RGS22: variants seen among roughly 807,000 people sequenced by gnomAD.
The protein encoded by RGS22 is regulator of G-protein signaling 22.
RGS22 carries 148 observed loss-of-function variants against 172.9 expected under a neutral mutation model. That is an observed-to-expected ratio of 0.86 (90% confidence interval 0.75 to 0.98). The LOEUF (loss-of-function observed/expected upper bound fraction) is 0.98, where lower values mean the gene tolerates loss of function less well. Among genes scored for constraint, RGS22 ranks in the 50% least tolerant of loss-of-function variants. The pLI is 0.00. For missense variants in RGS22, 1,347 were observed against 1,440.8 expected (o/e 0.93, Z 1.05); for synonymous variants, 458 against 480.2 (o/e 0.95, Z 0.60).
intron 21 of RGS22, among the ~76,000 whole-genome samples, chr8:99,986,347 T>C (rs1408405206): frequency 6.6e-6 from 1 of 152,210 alleles, no homozygotes; most frequent in Non-Finnish European, 1.5e-5. Context: ...GAAATAAATT[T>C]TATTGAGCAA....
At chr8:99,985,378 A>G (rs922433910) in intron 21 of RGS22, among the ~76,000 whole-genome samples, 2 of 152,204 alleles carry the variant, frequency 1.3e-5, no homozygotes, top group Admixed American at 6.5e-5. Flanking sequence ...AGTGGAATAA[A>G]TGCCTTCCAA....
rs547086386 is a variant in RGS22 at position 100,031,671 on chromosome 8, G to T, written c.2166+7260C>A. Among the ~76,000 whole-genome samples the T allele has an allele frequency of 5.6e-3, 856 of 152,008 alleles. 5 individuals carry two copies. The highest frequency in any genetic ancestry group is 8.4e-3 in the Non-Finnish European group (573 of 67,966). ...ATTATGTATGCTATGGAGAGTGATA[G>T]ATTCTAAATGCACAATTTTTGTTAG... On this transcript the variant is annotated intron_variant, in intron 14 of 27. Transcript: ENST00000360863.
intron 9 of RGS22, among the ~76,000 whole-genome samples, chr8:100,056,125 T>A (rs1822217769): frequency 6.6e-6 from 1 of 152,140 alleles, no homozygotes; most frequent in South Asian, 2.1e-4. Context: ...ATGAGGAATT[T>A]GTTGGGACAT....
intron 4 of RGS22, among the ~76,000 whole-genome samples, chr8:100,075,614 AT>A: frequency 6.6e-6 from 1 of 152,340 alleles, no homozygotes; most frequent in South Asian, 2.1e-4. Flanking sequence ...CCAAAATGGA[AT>A]TCTCACCAAT....
chr8:99,978,027 A>T lies in RGS22; in HGVS notation c.3409T>A (p.Phe1137Ile). The change falls in exon 23 of 28, where the codon TTT becomes ATT. Residue 1137 changes from phenylalanine (F) to isoleucine (I), a missense_variant. Transcript: ENST00000360863. ...TTTTCATCTGTTAAATTCTTCCTAA[A>T]CTCACAGAACTGAGGCCAGAATTTA... ...LFKFWPQFCEFRKNLTDENIM... is the reference protein window; with the variant it reads ...LFKFWPQFCEIRKNLTDENIM... 1 of 1,543,608 alleles carries T rather than the reference A, an allele frequency of 6.5e-7. No homozygotes were observed. The highest frequency in any genetic ancestry group is 1.3e-5 in the South Asian group (1 of 77,152).
rs2131200198 is a variant in RGS22, at chr8:99,980,764, C to T, written c.3360+1173G>A. ...AGAGTATACCAGAACCGAAAGGTAT[C>T]GGCAGCTCCAGACATTTACCGTCAG... On this transcript the variant is annotated intron_variant, in intron 22 of 27. Coordinates refer to ENST00000360863, the MANE Select transcript of RGS22 (RefSeq NM_015668.5). Among the ~76,000 whole-genome samples, 2 of 152,280 alleles carry T rather than the reference C, an allele frequency of 1.3e-5. 1 individual carries two copies. The highest frequency in any genetic ancestry group is 4.1e-4 in the South Asian group (2 of 4,820).
At chr8:99,988,623 A>C (rs1813361711) in intron 20 of RGS22, among the ~76,000 whole-genome samples, 1 of 152,220 alleles carries the variant, frequency 6.6e-6, no homozygotes, top group Non-Finnish European at 1.5e-5. Context: ...AAGTGTTTAG[A>C]GAGTTATATT....
intron 2 of RGS22, among the ~76,000 whole-genome samples, chr8:100,099,353 T>A (rs770944307): frequency 1.1e-4 from 17 of 152,348 alleles, no homozygotes; most frequent in Non-Finnish European, 2.1e-4. Context: ...TAAACTCATT[T>A]AAAGCAGAGA....
At chr8:100,003,690 G>A (rs1301309449) in intron 17 of RGS22, among the ~76,000 whole-genome samples, 1 of 152,076 alleles carries the variant, frequency 6.6e-6, no homozygotes, top group African/African-American at 2.4e-5. Context: ...CTTAGCCAAT[G>A]CTGAAAGTAT....
intron 6 of RGS22, among the ~76,000 whole-genome samples, chr8:100,069,113 G>T (rs1444879738): frequency 6.6e-6 from 1 of 151,952 alleles, no homozygotes. Context: ...AATAGCAGAT[G>T]CAAATGAAAA....
chr8:100,090,203 G>T (rs1293409135), intron 3 of RGS22, among the ~76,000 whole-genome samples: 3 of 152,112 alleles, frequency 2.0e-5, no homozygotes, highest in African/African-American at 7.2e-5. Context: ...TAGTCATATT[G>T]TCTTCATAGA....
chr8:100,039,106 T>C (rs1277774597), intron 13 of RGS22, 74 bp from the exon 14 acceptor site: 1 of 762,704 alleles, frequency 1.3e-6, no homozygotes, highest in Non-Finnish European at 2.1e-6. Context: ...ATTTCAAATA[T>C]AAGTAACTGT....
intron 6 of RGS22, among the ~76,000 whole-genome samples, chr8:100,068,752 C>T (rs1810724173): frequency 6.6e-6 from 1 of 151,738 alleles, no homozygotes; most frequent in African/African-American, 2.4e-5. Flanking sequence ...GGCAACATGG[C>T]AAAACCCCGT....
intron 7 of RGS22, among the ~76,000 whole-genome samples, chr8:100,064,795 T>C (rs1156616972): frequency 6.6e-6 from 1 of 152,208 alleles, no homozygotes; most frequent in African/African-American, 2.4e-5. Flanking sequence ...TTCACTACCA[T>C]AGATTGAGAC....
At chr8:100,104,179 G>A (rs912133724) in intron 2 of RGS22, among the ~76,000 whole-genome samples, 16 of 152,096 alleles carry the variant, frequency 1.1e-4, no homozygotes, top group Non-Finnish European at 1.3e-4. Flanking sequence ...TTAGCCAGGC[G>A]TGCTGGCACG....
intron 23 of RGS22, among the ~76,000 whole-genome samples, chr8:99,972,152 G>A (rs996934613): frequency 6.6e-5 from 10 of 152,070 alleles, no homozygotes; most frequent in South Asian, 4.1e-4. Context: ...AATAGGGAAA[G>A]GATTCCCTAT....
At chr8:99,979,916 G>C (rs1483723268) in intron 22 of RGS22, among the ~76,000 whole-genome samples, 2 of 152,110 alleles carry the variant, frequency 1.3e-5, no homozygotes, top group Non-Finnish European at 2.9e-5. Flanking sequence ...TAAAAACAAG[G>C]GAGAGAAGAC....
rs1040690509 is a variant in RGS22 at position 99,962,292 on chromosome 8, T to G, written c.*45+102A>C. On this transcript the variant is annotated intron_variant, in intron 27 of 27. Transcript: ENST00000360863. ...CCCATCGACTTATTAGTGGGACATG[T>G]TATATGTGTGGTATGCTGTGTGTGT... is the stretch of plus-strand genomic sequence containing the variant. The G allele has an allele frequency of 6.8e-6, 5 of 732,748 alleles. No homozygotes were observed. In the African/African-American group the frequency reaches 7.1e-5, roughly 10 times the overall value. 45.4% of individuals were successfully genotyped at this position (732,748 alleles called of 1,614,324 possible). A position where few individuals can be genotyped will look rare whatever the true frequency, so the allele number is the denominator to read the frequency against.
chr8:100,077,582 T>C (rs901048351), intron 4 of RGS22, among the ~76,000 whole-genome samples: 3 of 152,214 alleles, frequency 2.0e-5, no homozygotes, highest in African/African-American at 4.8e-5. Flanking sequence ...TCTGAGAACA[T>C]AGTTGGCAAG....
Sources: gnomAD v4.1 joint callset for allele counts (sites outside exome capture counted in the v4.1 genomes callset) on GRCh38, gnomAD v4.1.1 for gene constraint, MANE v1.5 for transcripts, NCBI Gene and HGNC (gene_info 2026-07-23, HGNC 2026-07-21) for gene names.